The following APBB2 variants were observed in gnomAD, a reference collection of about 807,000 sequenced individuals.
The protein encoded by APBB2 is amyloid beta precursor protein binding family B member 2.
A neutral mutation model predicts 82.5 loss-of-function variants in APBB2; 38 were observed. That is an observed-to-expected ratio of 0.46 (90% CI 0.36 to 0.60). The LOEUF (loss-of-function observed/expected upper bound fraction) is 0.60. Among genes scored for constraint, APBB2 ranks in the 20% least tolerant of loss-of-function variants. The probability of loss-of-function intolerance (pLI) is 0.00; values close to 1 mark genes in which losing one functional copy is unlikely to be tolerated. For missense variants in APBB2, 772 were observed against 972.3 expected (o/e 0.79, Z 2.74); for synonymous variants, 341 against 368.2 (o/e 0.93, Z 0.85).
chr4:40,950,996 T>C (rs1392879281), intron 6 of APBB2, among the ~76,000 whole-genome samples: 1 of 152,130 alleles, frequency 6.6e-6, no homozygotes, highest in Admixed American at 6.5e-5. Context: ...ACAGAATATA[T>C]TAAGTGTCCA....
intron 1 of APBB2, among the ~76,000 whole-genome samples, chr4:41,181,942 C>CAAAAAA (rs35142945): frequency 1.8e-4 from 17 of 93,496 alleles, no homozygotes; most frequent in East Asian, 1.6e-3. Context: ...GAAACTGTCT[C>CAAAAAA]AAAAAAAAAA....
chr4:41,023,032 C>G (rs1712341583), intron 5 of APBB2, among the ~76,000 whole-genome samples: 1 of 152,194 alleles, frequency 6.6e-6, no homozygotes, highest in African/African-American at 2.4e-5. Flanking sequence ...ACCAATTTAT[C>G]TTGCTCCTCA....
At chr4:40,891,214 C>T (rs1222342875) in intron 11 of APBB2, among the ~76,000 whole-genome samples, 1 of 152,196 alleles carries the variant, frequency 6.6e-6, no homozygotes, top group East Asian at 1.9e-4. Context: ...CACAGGGGAA[C>T]ACCCAGGTTT....
intron 6 of APBB2, among the ~76,000 whole-genome samples, chr4:40,948,811 C>A (rs11730453): frequency 2.3e-5 from 3 of 132,874 alleles, no homozygotes. Flanking sequence ...ATCTCCTGAA[C>A]CCAAGAAGTG....
intron 4 of APBB2, among the ~76,000 whole-genome samples, chr4:41,050,895 G>A (rs779359431): frequency 6.6e-6 from 1 of 151,656 alleles, no homozygotes; most frequent in Non-Finnish European, 1.5e-5. Context: ...GCATTTAGAA[G>A]CCTCCAAGAA....
intron 4 of APBB2, among the ~76,000 whole-genome samples, chr4:41,048,066 A>G (rs1419154491): frequency 6.6e-6 from 1 of 152,244 alleles, no homozygotes; most frequent in Non-Finnish European, 1.5e-5. Flanking sequence ...CCATTTCAAC[A>G]TATTATACAT....
intron 5 of APBB2, among the ~76,000 whole-genome samples, chr4:41,029,058 A>G (rs1453606278): frequency 1.3e-5 from 2 of 152,220 alleles, no homozygotes; most frequent in Non-Finnish European, 2.9e-5. Context: ...AAACGGGCCC[A>G]GGGTTGATAA....
chr4:40,961,667 T>TAAAA (rs60942744), intron 6 of APBB2, among the ~76,000 whole-genome samples: 34 of 68,244 alleles, frequency 5.0e-4, no homozygotes, highest in Admixed American at 9.0e-4. Flanking sequence ...AAAAAAGATG[T>TAAAA]AAAAAAAAAA....
chr4:40,995,959 C>T (rs140258450), intron 6 of APBB2, among the ~76,000 whole-genome samples: 212 of 152,290 alleles, frequency 1.4e-3, no homozygotes, highest in African/African-American at 4.9e-3. Flanking sequence ...TGTGAGCCAC[C>T]GTGCCCCGCC....
intron 5 of APBB2, among the ~76,000 whole-genome samples, chr4:41,020,643 T>C (rs967473115): frequency 6.6e-6 from 1 of 152,242 alleles, no homozygotes; most frequent in African/African-American, 2.4e-5. Context: ...TATTAGGTTA[T>C]AAGGTAATCC....
intron 2 of APBB2, among the ~76,000 whole-genome samples, chr4:41,125,738 G>T (rs1754184026): frequency 6.6e-6 from 1 of 152,160 alleles, no homozygotes; most frequent in African/African-American, 2.4e-5. Context: ...AACTCCTACT[G>T]TAAGTAACAT....
chr4:40,875,127 G>A (rs1166313677), intron 12 of APBB2, among the ~76,000 whole-genome samples: 1 of 152,148 alleles, frequency 6.6e-6, no homozygotes, highest in African/African-American at 2.4e-5. Flanking sequence ...TCACATCGTG[G>A]GGTTTGGCTC....
At chr4:41,008,673 T>TA (rs1366860949) in intron 6 of APBB2, among the ~76,000 whole-genome samples, 14 of 152,252 alleles carry the variant, frequency 9.2e-5, no homozygotes, top group Non-Finnish European at 1.6e-4. Flanking sequence ...GCTCTTGCTA[T>TA]ATGCCAGATA....
intron 3 of APBB2, among the ~76,000 whole-genome samples, chr4:41,086,227 C>T (rs912969898): frequency 6.6e-6 from 1 of 152,074 alleles, no homozygotes; most frequent in Non-Finnish European, 1.5e-5. Flanking sequence ...GCTTCACAGC[C>T]GAATTCTATC....
intron 10 of APBB2, among the ~76,000 whole-genome samples, chr4:40,915,568 C>A (rs1045250158): frequency 1.3e-5 from 2 of 152,176 alleles, no homozygotes; most frequent in Admixed American, 6.5e-5. Context: ...CTGTTGTTTT[C>A]TAAGAAAGGT....
At chr4:41,141,992 A>G (rs1171938519) in intron 2 of APBB2, among the ~76,000 whole-genome samples, 1 of 152,200 alleles carries the variant, frequency 6.6e-6, no homozygotes, top group Admixed American at 6.5e-5. Context: ...TTACATGCCC[A>G]TAACTGAGTC....
At chr4:41,035,890 G>A (rs756262552) in intron 4 of APBB2, among the ~76,000 whole-genome samples, 1 of 152,146 alleles carries the variant, frequency 6.6e-6, no homozygotes, top group Non-Finnish European at 1.5e-5. Context: ...TATACGGAAG[G>A]GGCAGGTACA....
intron 12 of APBB2, among the ~76,000 whole-genome samples, chr4:40,865,859 C>T (rs62410283): frequency 6.6e-6 from 1 of 152,102 alleles, no homozygotes; most frequent in Non-Finnish European, 1.5e-5. Context: ...TGGAAAATGC[C>T]GATTAAAACC....
intron 6 of APBB2, among the ~76,000 whole-genome samples, chr4:41,009,723 C>T (rs1807788933): frequency 6.6e-6 from 1 of 152,124 alleles, no homozygotes; most frequent in Admixed American, 6.5e-5. Context: ...CAACTATACC[C>T]TTTTTATACA....
Sources: allele counts gnomAD v4.1 joint callset (sites outside exome capture counted in the v4.1 genomes callset), GRCh38; gene constraint gnomAD v4.1.1; transcripts MANE v1.5; gene names NCBI Gene and HGNC (gene_info 2026-07-23, HGNC 2026-07-21).